The following TBC1D19 variants were observed in gnomAD, a reference collection of about 807,000 sequenced individuals.
TBC1D19 encodes TBC1 domain family, member 19.
In TBC1D19, 60 loss-of-function variants were observed where a neutral mutation model predicts 89.0. That is an observed-to-expected ratio of 0.67 (90% CI 0.55 to 0.84). The LOEUF is 0.84. Among genes scored for constraint, TBC1D19 ranks in the 40% least tolerant of loss-of-function variants. The pLI is 0.00. For synonymous variants in TBC1D19, 189 were observed against 199.7 expected (o/e 0.95, Z 0.45); for missense variants, 500 against 610.8 (o/e 0.82, Z 1.91).
intron 7 of TBC1D19, among the ~76,000 whole-genome samples, chr4:26,652,704 A>G (rs1226235746): frequency 6.6e-6 from 1 of 152,144 alleles, no homozygotes; most frequent in Non-Finnish European, 1.5e-5. Flanking sequence ...CTGTGGGATC[A>G]GTGGTCATAT....
chr4:26,654,921 C>G (rs1031753020), intron 7 of TBC1D19, among the ~76,000 whole-genome samples: 1 of 152,174 alleles, frequency 6.6e-6, no homozygotes, highest in Non-Finnish European at 1.5e-5. Context: ...TGGTGAGGAG[C>G]TGCATTCCTT....
At chr4:26,645,187 G>T (rs1036456602) in intron 7 of TBC1D19, among the ~76,000 whole-genome samples, 1 of 152,162 alleles carries the variant, frequency 6.6e-6, no homozygotes, top group Admixed American at 6.5e-5. Context: ...AAAAGAGCCC[G>T]CAGTGCCAAG....
intron 1 of TBC1D19, among the ~76,000 whole-genome samples, chr4:26,604,651 G>A (rs1355138761): frequency 4.0e-5 from 6 of 151,192 alleles, no homozygotes; most frequent in African/African-American, 9.7e-5. Flanking sequence ...CAAGGTGGGC[G>A]GATCACGAGG....
At chr4:26,600,110 G>A (rs1204185229) in intron 1 of TBC1D19, among the ~76,000 whole-genome samples, 2 of 152,008 alleles carry the variant, frequency 1.3e-5, no homozygotes. Context: ...ATTCCATTAA[G>A]TGTTTAATAT....
At chr4:26,810,026 C>T in the TBC1D19 span, among the ~76,000 whole-genome samples, 1 of 152,228 alleles carries the variant, frequency 6.6e-6, no homozygotes, top group Non-Finnish European at 1.5e-5. Flanking sequence ...GTGTTCTCTC[C>T]AGCTGGCAAC....
At chr4:26,851,388 A>G in the TBC1D19 span, among the ~76,000 whole-genome samples, 7 of 143,824 alleles carry the variant, frequency 4.9e-5, no homozygotes, top group Admixed American at 1.4e-4. Flanking sequence ...TATTGGTTCT[A>G]TCTCTGTGGA....
chr4:26,706,671 C>G (rs181913058), intron 13 of TBC1D19, among the ~76,000 whole-genome samples: 1 of 152,222 alleles, frequency 6.6e-6, no homozygotes, highest in East Asian at 1.9e-4. Context: ...GCCTCTATAG[C>G]TATAAATTTG....
intron 7 of TBC1D19, among the ~76,000 whole-genome samples, chr4:26,649,381 GC>G (rs1274806290): frequency 2.0e-5 from 3 of 151,858 alleles, no homozygotes. Context: ...AATTTTTACA[GC>G]ATAAATTTCA....
chr4:26,581,382 C>A (rs539921524), upstream of TBC1D19, among the ~76,000 whole-genome samples: 1 of 152,144 alleles, frequency 6.6e-6, no homozygotes, highest in Non-Finnish European at 1.5e-5. Context: ...CCTTGCCCCC[C>A]ATCCCCTAAC....
intron 4 of TBC1D19, among the ~76,000 whole-genome samples, chr4:26,629,372 A>G (rs905413564): frequency 6.6e-6 from 1 of 152,000 alleles, no homozygotes; most frequent in Non-Finnish European, 1.5e-5. Context: ...CTTCTCTACT[A>G]TAATACTTGG....
chr4:26,786,028 C>T, the TBC1D19 span, among the ~76,000 whole-genome samples: 14 of 152,286 alleles, frequency 9.2e-5, no homozygotes, highest in South Asian at 2.7e-3. Context: ...ATGCTCATTA[C>T]AGGATTTTCT....
chr4:26,669,839 C>T (rs1186857720), intron 9 of TBC1D19, among the ~76,000 whole-genome samples: 1 of 151,654 alleles, frequency 6.6e-6, no homozygotes, highest in East Asian at 1.9e-4. Flanking sequence ...GTATAAACTA[C>T]ATTGATTGAA....
the TBC1D19 span, among the ~76,000 whole-genome samples, chr4:26,775,160 T>G: frequency 6.6e-6 from 1 of 152,198 alleles, no homozygotes; most frequent in South Asian, 2.1e-4. Flanking sequence ...ATGTTGAAAT[T>G]TAATTGCCAG....
At chr4:26,719,670 T>C (rs528411773) in intron 14 of TBC1D19, among the ~76,000 whole-genome samples, 2 of 152,240 alleles carry the variant, frequency 1.3e-5, no homozygotes, top group East Asian at 3.9e-4. Flanking sequence ...AGCTAGTCAT[T>C]TAATTTTTAA....
the TBC1D19 span, among the ~76,000 whole-genome samples, chr4:26,850,078 A>T: frequency 6.9e-4 from 105 of 152,160 alleles, no homozygotes; most frequent in African/African-American, 2.5e-3. Flanking sequence ...TTACTTAGGC[A>T]TTTTGTGGGT....
At chr4:26,837,158 G>A in the TBC1D19 span, among the ~76,000 whole-genome samples, 1 of 152,116 alleles carries the variant, frequency 6.6e-6, no homozygotes, top group African/African-American at 2.4e-5. Context: ...AGAGTGGCAA[G>A]TCACTAAACC....
intron 13 of TBC1D19, among the ~76,000 whole-genome samples, chr4:26,692,709 G>C (rs1002948860): frequency 6.6e-6 from 1 of 152,196 alleles, no homozygotes; most frequent in Admixed American, 6.5e-5. Flanking sequence ...CATAGCAGCT[G>C]GTTTACCAGA....
the TBC1D19 span, among the ~76,000 whole-genome samples, chr4:26,768,483 A>T: frequency 6.6e-6 from 1 of 152,244 alleles, no homozygotes; most frequent in Non-Finnish European, 1.5e-5. Flanking sequence ...CAGGAAAATT[A>T]GACTCATGAT....
chr4:26,834,329 C>T, the TBC1D19 span, among the ~76,000 whole-genome samples: 1 of 152,132 alleles, frequency 6.6e-6, no homozygotes, highest in African/African-American at 2.4e-5. Flanking sequence ...ATGATAATGC[C>T]CTGTGGTCAT....
Sources: allele counts gnomAD v4.1 joint callset (sites outside exome capture counted in the v4.1 genomes callset), GRCh38; gene constraint gnomAD v4.1.1; transcripts MANE v1.5; gene names NCBI Gene and HGNC (gene_info 2026-07-23, HGNC 2026-07-21).